CHST9: variants seen among roughly 807,000 people sequenced by gnomAD.
CHST9 encodes carbohydrate sulfotransferase 9.
Under a neutral mutation model 44.4 loss-of-function variants are expected in CHST9, and 41 were observed. The observed-to-expected ratio is 0.92, with a 90% CI of 0.72 to 1.20. The LOEUF (loss-of-function observed/expected upper bound fraction) is 1.20. CHST9 is among the 50% of genes most tolerant of loss of function. The pLI is 0.00. For missense variants in CHST9, 504 were observed against 516.5 expected (o/e 0.98, Z 0.23); for synonymous variants, 171 against 178.4 (o/e 0.96, Z 0.33).
intron 1 of CHST9, among the ~76,000 whole-genome samples, chr18:27,182,465 GATC>G (rs2058920205): frequency 6.6e-6 from 1 of 152,136 alleles, no homozygotes; most frequent in African/African-American, 2.4e-5. Context: ...GTGTGAAAAA[GATC>G]ATCACTATCT....
chr18:26,976,402 A>G (rs1329906576), intron 4 of CHST9, among the ~76,000 whole-genome samples: 3 of 152,240 alleles, frequency 2.0e-5, no homozygotes, highest in Admixed American at 6.6e-5. Flanking sequence ...CAGACAAGTG[A>G]TTTAGCCCCA....
chr18:27,068,529 T>G (rs980470542), intron 2 of CHST9, among the ~76,000 whole-genome samples: 1 of 152,334 alleles, frequency 6.6e-6, no homozygotes, highest in Middle Eastern at 3.4e-3. Flanking sequence ...GTACGTTACA[T>G]GTGTCCTTGG....
intron 4 of CHST9, among the ~76,000 whole-genome samples, chr18:26,971,658 G>C (rs1280154946): frequency 6.6e-6 from 1 of 152,244 alleles, no homozygotes; most frequent in Non-Finnish European, 1.5e-5. Context: ...GGACGTGGCA[G>C]ATGTGCTGGC....
chr18:26,995,670 A>C (rs898393580), intron 4 of CHST9, among the ~76,000 whole-genome samples: 16 of 152,234 alleles, frequency 1.1e-4, no homozygotes, highest in African/African-American at 3.6e-4. Context: ...CTTGGGATAC[A>C]TGAAAAATAA....
chr18:27,118,171 C>T (rs1344753025), intron 2 of CHST9, among the ~76,000 whole-genome samples: 1 of 152,166 alleles, frequency 6.6e-6, no homozygotes, highest in Non-Finnish European at 1.5e-5. Flanking sequence ...TGCTTACTTG[C>T]CATCTGCTTA....
chr18:27,067,603 A>C (rs1166051648), intron 2 of CHST9, among the ~76,000 whole-genome samples: 5 of 152,034 alleles, frequency 3.3e-5, no homozygotes, highest in African/African-American at 1.2e-4. Context: ...GTTTGTTTTG[A>C]GGAGGATTTA....
intron 4 of CHST9, among the ~76,000 whole-genome samples, chr18:26,984,545 T>A (rs971954539): frequency 6.6e-6 from 1 of 152,038 alleles, no homozygotes. Context: ...AATTTTTTTA[T>A]TATCCAAAGA....
intron 4 of CHST9, among the ~76,000 whole-genome samples, chr18:26,978,715 T>C (rs2056655597): frequency 6.6e-6 from 1 of 152,078 alleles, no homozygotes; most frequent in South Asian, 2.1e-4. Flanking sequence ...AACTGTAAAA[T>C]GAGAAAAAAT....
At chr18:27,053,256 A>AAGAAGAAGGAGGAGAAGG in intron 2 of CHST9, among the ~76,000 whole-genome samples, 1 of 80,590 alleles carries the variant, frequency 1.2e-5, no homozygotes, top group Admixed American at 1.3e-4. Context: ...GAAGAAGAAG[A>AAGAAGAAGGAGGAGAAGG]AGAAGGAGAA....
In CHST9 at chr18:26,909,471, T is replaced by G. The variant is rs560672589; in HGVS notation, c.*6788A>C. 6 of 152,322 alleles carry G rather than the reference T, an allele frequency of 3.9e-5. No homozygotes were observed. The allele number at this position is 152,322 out of a possible 1,614,324, so 9.4% of individuals were successfully genotyped here. On this transcript the variant is annotated 3_prime_UTR_variant, in exon 6 of 6. Transcript: ENST00000618847. ...GATACAGGTCGTCCATACACTATTT[T>G]TTTCAGAAATTGATAAGTTAAATCA...
intron 3 of CHST9, among the ~76,000 whole-genome samples, chr18:27,025,188 T>C (rs1318870630): frequency 2.7e-5 from 4 of 148,358 alleles, no homozygotes; most frequent in African/African-American, 4.9e-5. Context: ...ATATATTATA[T>C]ATTAATATAT....
chr18:26,958,823 T>A (rs771690712), intron 4 of CHST9, among the ~76,000 whole-genome samples: 1 of 152,192 alleles, frequency 6.6e-6, no homozygotes, highest in Admixed American at 6.5e-5. Flanking sequence ...AAACAGCACA[T>A]GCTGGCGAGG....
chr18:26,978,589 G>A (rs2056653844), intron 4 of CHST9, among the ~76,000 whole-genome samples: 1 of 152,100 alleles, frequency 6.6e-6, no homozygotes, highest in Admixed American at 6.5e-5. Context: ...TGTGAGTTTT[G>A]TGATGCAGAG....
At chr18:26,995,130 A>G (rs1451821268) in intron 4 of CHST9, among the ~76,000 whole-genome samples, 1 of 151,284 alleles carries the variant, frequency 6.6e-6, no homozygotes, top group East Asian at 2.0e-4. Context: ...GCAAGTAGCA[A>G]CCCTTAAGAT....
chr18:26,975,709 ATGTGTGTGTGTGTGTG>A (rs1266109899), intron 4 of CHST9, among the ~76,000 whole-genome samples: 1 of 56,974 alleles, frequency 1.8e-5, no homozygotes, highest in African/African-American at 8.0e-5. Context: ...ATGTGTATAT[ATGTGTGTGTGTGTGTG>A]TATATATATA....
At chr18:26,981,520 A>C (rs887527939) in intron 4 of CHST9, among the ~76,000 whole-genome samples, 9 of 152,214 alleles carry the variant, frequency 5.9e-5, no homozygotes, top group African/African-American at 2.2e-4. Flanking sequence ...GCACTTGAGA[A>C]TGAACAGTAA....
At chr18:27,062,620 C>T (rs546846530) in intron 2 of CHST9, among the ~76,000 whole-genome samples, 1 of 152,104 alleles carries the variant, frequency 6.6e-6, no homozygotes. Flanking sequence ...GCAATAAACA[C>T]ACGTATGCAT....
chr18:26,976,160 A>G (rs1219959474), intron 4 of CHST9, among the ~76,000 whole-genome samples: 1 of 152,066 alleles, frequency 6.6e-6, no homozygotes, highest in African/African-American at 2.4e-5. Context: ...CTGCCTGAAT[A>G]TAAGAAATAA....
At chr18:27,042,160 GA>G (rs1285680481) in intron 3 of CHST9, among the ~76,000 whole-genome samples, 1 of 152,046 alleles carries the variant, frequency 6.6e-6, no homozygotes, top group East Asian at 1.9e-4. Flanking sequence ...AAGATCTTAG[GA>G]AAAAATATTT....
Sources: allele counts gnomAD v4.1 joint callset (sites outside exome capture counted in the v4.1 genomes callset), GRCh38; gene constraint gnomAD v4.1.1; transcripts MANE v1.5; gene names NCBI Gene and HGNC (gene_info 2026-07-23, HGNC 2026-07-21).